Variants in EPG5 observed in about 807,000 individuals in gnomAD.
EPG5 encodes ectopic P granules protein 5 homolog.
Under a neutral mutation model 302.7 loss-of-function variants are expected in EPG5, and 159 were observed. The observed-to-expected ratio is 0.53, with a 90% CI of 0.46 to 0.60. The LOEUF (loss-of-function observed/expected upper bound fraction) is 0.60. Ranked by LOEUF, EPG5 falls within the 20% of genes least tolerant of loss-of-function variation. The pLI, the probability that EPG5 is intolerant of heterozygous loss-of-function variation, is 0.00. For synonymous variants in EPG5, 1,158 were observed against 1,136.8 expected (o/e 1.02, Z -0.37); for missense variants, 2,896 against 3,092.4 (o/e 0.94, Z 1.51).
intron 35 of EPG5, among the ~76,000 whole-genome samples, chr18:45,872,097 G>A (rs1248378775): frequency 1.3e-5 from 2 of 152,076 alleles, no homozygotes; most frequent in Non-Finnish European, 2.9e-5. Flanking sequence ...AGAAACGGTG[G>A]AAATGTTCCA....
At chr18:45,839,283 C>T in the EPG5 span, among the ~76,000 whole-genome samples, 1 of 152,204 alleles carries the variant, frequency 6.6e-6, no homozygotes, top group East Asian at 1.9e-4. Flanking sequence ...TCCCATTTTG[C>T]AATAAGGAAG....
intron 43 of EPG5, among the ~76,000 whole-genome samples, chr18:45,853,093 C>A (rs776354973): frequency 4.6e-5 from 7 of 152,222 alleles, no homozygotes; most frequent in Non-Finnish European, 8.8e-5. Flanking sequence ...CAGGCACCAG[C>A]CTCATCTTGC....
At chr18:45,898,841 T>C (rs2049537521) in intron 27 of EPG5, among the ~76,000 whole-genome samples, 1 of 152,144 alleles carries the variant, frequency 6.6e-6, no homozygotes, top group African/African-American at 2.4e-5. Flanking sequence ...TTTTAATCAA[T>C]TGAGACCGGA....
downstream of EPG5, chr18:45,843,275 GA>G (rs1480339320): frequency 2.6e-5 from 4 of 152,314 alleles, no homozygotes; most frequent in African/African-American, 9.6e-5. Flanking sequence ...GGCTGACTTG[GA>G]GGGGTGCTTC....
At chr18:45,922,169 T>C (rs2050168969) in intron 16 of EPG5, among the ~76,000 whole-genome samples, 172 bp downstream of exon 16, 1 of 152,184 alleles carries the variant, frequency 6.6e-6, no homozygotes, top group African/African-American at 2.4e-5. Context: ...ATCTGAAGTA[T>C]GTGAATTTGG....
chr18:45,846,955 G>A (rs1280816013), downstream of EPG5, among the ~76,000 whole-genome samples: 3 of 152,150 alleles, frequency 2.0e-5, no homozygotes, highest in Non-Finnish European at 4.4e-5. Flanking sequence ...CACTGGTCTG[G>A]AGACAGCTAA....
At chr18:45,817,070 A>T in the EPG5 span, among the ~76,000 whole-genome samples, 12 of 152,166 alleles carry the variant, frequency 7.9e-5, no homozygotes, top group African/African-American at 2.9e-4. Context: ...AGCTAAGAGG[A>T]TGCAAAGGCT....
chr18:45,934,649 T>A (rs1047742286), intron 11 of EPG5, among the ~76,000 whole-genome samples, 160 bp downstream of exon 11: 1 of 152,240 alleles, frequency 6.6e-6, no homozygotes, highest in African/African-American at 2.4e-5. Flanking sequence ...ATTTAATACA[T>A]CAAAACTGTG....
At position 45,925,749 on chromosome 18, in the gene EPG5, A is replaced by G; in HGVS notation, c.2707T>C (p.Phe903Leu). Residue 903 changes from phenylalanine (F) to leucine (L), a missense_variant, in exon 14 of 44, where the codon TTT (phenylalanine) becomes CTT (leucine). Transcript: ENST00000282041. Reference sequence around the variant, plus strand: ...GTTTGAACACATACCTGTTTAGCAAATCCCCAATTCAGTCCTTCAAGAATA... The same window carrying G: ...GTTTGAACACATACCTGTTTAGCAAGTCCCCAATTCAGTCCTTCAAGAATA... ...CVILEGLNWG[F>L]AKQATLHLDQ... is the part of the protein sequence containing the mutation. The G allele has an allele frequency of 6.5e-7, 1 of 1,543,986 alleles. No homozygotes were observed. The highest frequency in any genetic ancestry group is 8.7e-7 in the Non-Finnish European group (1 of 1,151,206).
the EPG5 span, chr18:45,842,257 CA>C: frequency 4.5e-6 from 7 of 1,544,828 alleles, no homozygotes; most frequent in African/African-American, 1.4e-5. Context: ...GCTTGGCTGG[CA>C]CAGCCAGTCC....
chr18:45,820,932 A>G, the EPG5 span, among the ~76,000 whole-genome samples: 1 of 152,238 alleles, frequency 6.6e-6, no homozygotes, highest in African/African-American at 2.4e-5. Context: ...CCCCAGGACA[A>G]CGTACATGAG....
At position 45,851,287 on chromosome 18, in the gene EPG5, A is replaced by C. The variant is rs2048419689; in HGVS notation, c.*1180T>G. 1 of 152,232 alleles carries C rather than the reference A, an allele frequency of 6.6e-6. No individual in the cohort carries two copies. The highest frequency in any genetic ancestry group is 2.4e-5 in the African/African-American group (1 of 41,472). 9.4% of individuals were successfully genotyped at this position (152,232 alleles called of 1,614,324 possible). A position where few individuals can be genotyped will look rare whatever the true frequency, so the allele number is the denominator to read the frequency against. ...AAATCCATCTAGAGCTGATAGAATG[A>C]GGAACGTGGGAACAGAAGTCAAACT... On this transcript the variant is annotated 3_prime_UTR_variant, in exon 44 of 44. Transcript: ENST00000282041.
At chr18:45,940,793 A>ATACC in intron 9 of EPG5, among the ~76,000 whole-genome samples, 1 of 152,152 alleles carries the variant, frequency 6.6e-6, no homozygotes, top group South Asian at 2.1e-4. Flanking sequence ...AGTTAGATTG[A>ATACC]ATGTGGGGTA....
intron 1 of EPG5, among the ~76,000 whole-genome samples, chr18:45,956,457 A>AT (rs1417344563): frequency 1.4e-5 from 2 of 146,102 alleles, no homozygotes; most frequent in African/African-American, 5.4e-5. Context: ...TGTTTTATTT[A>AT]TTTATTTTTT....
chr18:45,818,997 G>A, the EPG5 span, among the ~76,000 whole-genome samples: 1 of 152,146 alleles, frequency 6.6e-6, no homozygotes, highest in Non-Finnish European at 1.5e-5. Context: ...GCATCCCAAA[G>A]TGTTGAGATT....
intron 28 of EPG5, 150 bp from the exon 29 acceptor site, chr18:45,888,057 T>C (rs2145476354): frequency 1.8e-6 from 1 of 558,042 alleles, no homozygotes; most frequent in Non-Finnish European, 2.9e-6. Context: ...TTTCATGGAG[T>C]AAATATATGT....
the EPG5 span, among the ~76,000 whole-genome samples, chr18:45,803,412 G>A: frequency 2.6e-5 from 4 of 152,200 alleles, no homozygotes; most frequent in African/African-American, 9.7e-5. Context: ...GCTCCAGGGG[G>A]AAGTTAACAC....
intron 1 of EPG5, among the ~76,000 whole-genome samples, chr18:45,963,667 G>A (rs1319291341): frequency 6.6e-6 from 1 of 152,040 alleles, no homozygotes; most frequent in East Asian, 1.9e-4. Context: ...AGAGAAAGTT[G>A]GGATTGGTGG....
chr18:45,946,622 T>C (rs749657426), intron 7 of EPG5, 41 bp downstream of exon 7: 2 of 1,455,586 alleles, frequency 1.4e-6, no homozygotes, highest in Non-Finnish European at 1.9e-6. Context: ...TAAGAAGAGT[T>C]CACAATGATT....
Sources: gnomAD v4.1 joint callset for allele counts (sites outside exome capture counted in the v4.1 genomes callset) on GRCh38, gnomAD v4.1.1 for gene constraint, MANE v1.5 for transcripts, NCBI Gene and HGNC (gene_info 2026-07-23, HGNC 2026-07-21) for gene names.